The following ACCSL variants were observed in gnomAD, a reference collection of about 807,000 sequenced individuals.
ACCSL encodes 1-aminocyclopropane-1-carboxylate synthase homolog (inactive) like, also known as probable inactive 1-aminocyclopropane-1-carboxylate synthase-like protein 2.
A neutral mutation model predicts 61.7 loss-of-function variants in ACCSL; 55 were observed. That is an observed-to-expected ratio of 0.89 (90% confidence interval 0.72 to 1.12). ACCSL has a LOEUF of 1.12. Among genes scored for constraint, ACCSL ranks in the 50% most tolerant of loss-of-function variants. The pLI, the probability that ACCSL is intolerant of heterozygous loss-of-function variation, is 0.00. For synonymous variants in ACCSL, 258 were observed against 264.3 expected (o/e 0.98, Z 0.23); for missense variants, 632 against 698.0 (o/e 0.91, Z 1.07).
At chr11:43,951,793 G>T in the ACCSL span, among the ~76,000 whole-genome samples, 1 of 152,180 alleles carries the variant, frequency 6.6e-6, no homozygotes, top group African/African-American at 2.4e-5. Context: ...TTGAGGTCAG[G>T]AGTTCGAGAC....
chr11:44,008,250 C>T, the ACCSL span, among the ~76,000 whole-genome samples: 1 of 152,152 alleles, frequency 6.6e-6, no homozygotes, highest in East Asian at 1.9e-4. Flanking sequence ...GATGCAGGGG[C>T]TGGGGAGGCC....
At chr11:44,009,252 G>A in the ACCSL span, among the ~76,000 whole-genome samples, 1 of 152,166 alleles carries the variant, frequency 6.6e-6, no homozygotes, top group African/African-American at 2.4e-5. Flanking sequence ...AGCGATTGCG[G>A]TATCAGGGTT....
At chr11:43,970,293 C>T in the ACCSL span, among the ~76,000 whole-genome samples, 22 of 152,078 alleles carry the variant, frequency 1.4e-4, no homozygotes, top group Non-Finnish European at 2.8e-4. Flanking sequence ...GCAGCCTCGA[C>T]CTCCTGGGCT....
chr11:43,968,382 G>A, the ACCSL span, among the ~76,000 whole-genome samples: 1 of 146,958 alleles, frequency 6.8e-6, no homozygotes, highest in Non-Finnish European at 1.5e-5. Flanking sequence ...ACCCCCGCAA[G>A]CAATCTCTGT....
At chr11:43,931,081 A>G in the ACCSL span, among the ~76,000 whole-genome samples, 1 of 152,158 alleles carries the variant, frequency 6.6e-6, no homozygotes, top group East Asian at 1.9e-4. Context: ...TTACGACCCC[A>G]TCAGCCAAGT....
At chr11:44,031,887 T>G in the ACCSL span, among the ~76,000 whole-genome samples, 146 of 152,198 alleles carry the variant, frequency 9.6e-4, no homozygotes, top group Middle Eastern at 0.02. Flanking sequence ...TTAAACTCCC[T>G]CCAGCAGGAG....
chr11:43,933,090 T>C, the ACCSL span: 4 of 456,156 alleles, frequency 8.8e-6, no homozygotes, highest in East Asian at 2.1e-4. Flanking sequence ...GTTTTTCCAG[T>C]AGGCAGAAGA....
chr11:43,943,414 C>T, the ACCSL span: 4 of 1,439,168 alleles, frequency 2.8e-6, no homozygotes, highest in Non-Finnish European at 3.7e-6. This position sits in a 1 kb window ranked among gnomAD's most constrained non-coding sequence, Gnocchi z 4.8. Context: ...CGGACTCCCG[C>T]CCCGCTGCGA....
At chr11:44,037,977 C>T in the ACCSL span, among the ~76,000 whole-genome samples, 3 of 152,254 alleles carry the variant, frequency 2.0e-5, no homozygotes, top group South Asian at 2.1e-4. Flanking sequence ...CCCTTCTTTG[C>T]GTTTGAGAAA....
chr11:44,050,990 C>T (rs368992066), intron 3 of ACCSL, among the ~76,000 whole-genome samples: 5 of 151,990 alleles, frequency 3.3e-5, no homozygotes, highest in South Asian at 4.2e-4. Flanking sequence ...TACAGGTGCC[C>T]GCCACCACGC....
At chr11:43,958,959 G>A in the ACCSL span, among the ~76,000 whole-genome samples, 5 of 152,238 alleles carry the variant, frequency 3.3e-5, no homozygotes, top group African/African-American at 1.2e-4. Flanking sequence ...CCATCCTTTG[G>A]AGGGGATGAA....
the ACCSL span, among the ~76,000 whole-genome samples, chr11:43,935,496 C>T: frequency 1.3e-5 from 2 of 152,338 alleles, no homozygotes; most frequent in African/African-American, 4.8e-5. Context: ...AGCCCCCCAG[C>T]CCCCTGAGTC....
chr11:43,939,013 T>C, the ACCSL span, among the ~76,000 whole-genome samples: 1 of 152,204 alleles, frequency 6.6e-6, no homozygotes, highest in Admixed American at 6.5e-5. Context: ...GTTGGCTTTT[T>C]CAATGCTGAG....
At chr11:44,003,841 G>A in the ACCSL span, among the ~76,000 whole-genome samples, 1 of 152,198 alleles carries the variant, frequency 6.6e-6, no homozygotes, top group Non-Finnish European at 1.5e-5. Context: ...CCCGGGGGCT[G>A]TGGGTCTGGG....
At chr11:44,035,445 T>A in the ACCSL span, among the ~76,000 whole-genome samples, 1 of 152,114 alleles carries the variant, frequency 6.6e-6, no homozygotes, top group African/African-American at 2.4e-5. Flanking sequence ...AGAGAGCTGG[T>A]TTTTGGATCT....
chr11:43,928,113 G>A, the ACCSL span, among the ~76,000 whole-genome samples: 1 of 152,182 alleles, frequency 6.6e-6, no homozygotes, highest in Admixed American at 6.5e-5. Context: ...ACAGCTGAAA[G>A]GCTGATGAGC....
the ACCSL span, among the ~76,000 whole-genome samples, chr11:43,952,155 A>G: frequency 5.3e-5 from 8 of 151,644 alleles, no homozygotes; most frequent in Non-Finnish European, 8.8e-5. Context: ...TTTGGTGTAC[A>G]GATTATTTAG....
At chr11:44,058,770 C>T in intron 13 of ACCSL, 71 bp downstream of exon 13, 2 of 1,511,878 alleles carry the variant, frequency 1.3e-6, no homozygotes, top group Non-Finnish European at 1.8e-6. Flanking sequence ...TCTCCCCCAC[C>T]CCCCTTAAAC....
At chr11:43,961,352 A>G in the ACCSL span, among the ~76,000 whole-genome samples, 10 of 152,136 alleles carry the variant, frequency 6.6e-5, no homozygotes, top group Non-Finnish European at 8.8e-5. Context: ...TAGTCACTGC[A>G]ATCTCTTCTC....
Sources: allele counts gnomAD v4.1 joint callset (sites outside exome capture counted in the v4.1 genomes callset), GRCh38; gene constraint gnomAD v4.1.1; non-coding constraint Gnocchi (gnomAD v3.1); transcripts MANE v1.5; gene names NCBI Gene and HGNC (gene_info 2026-07-23, HGNC 2026-07-21).